Variants in LUZP2 observed in about 807,000 individuals in gnomAD.
LUZP2 encodes leucine zipper protein 2.
A neutral mutation model predicts 51.6 loss-of-function variants in LUZP2; 52 were observed. The ratio of observed to expected loss-of-function variants is 1.01; its 90% CI spans 0.81 to 1.27. The LOEUF (loss-of-function observed/expected upper bound fraction) is 1.27. Among genes scored for constraint, LUZP2 ranks in the 50% most tolerant of loss-of-function variants. LUZP2 has a pLI of 0.00. For missense variants in LUZP2, 436 were observed against 395.4 expected, an observed-to-expected ratio of 1.10 and a Z score of -0.87; for synonymous variants, 154 against 137.3, an observed-to-expected ratio of 1.12 and a Z score of -0.85.
chr11:24,935,489 A>T (rs574401240), intron 7 of LUZP2, among the ~76,000 whole-genome samples: 1 of 152,176 alleles, frequency 6.6e-6, no homozygotes, highest in Non-Finnish European at 1.5e-5. Context: ...TTCTGATCAG[A>T]TGACATTTTA....
At chr11:24,961,159 A>C (rs938130671) in intron 7 of LUZP2, among the ~76,000 whole-genome samples, 3 of 152,132 alleles carry the variant, frequency 2.0e-5, no homozygotes, top group African/African-American at 7.2e-5. Flanking sequence ...GGAGAGCTTT[A>C]CTTCCAACTA....
chr11:25,049,903 T>A (rs1391823554), intron 9 of LUZP2, 135 bp from the exon 10 acceptor site: 9 of 407,826 alleles, frequency 2.2e-5, no homozygotes, highest in Non-Finnish European at 3.4e-5. Flanking sequence ...TCCATTTTCT[T>A]GTTTTATTTT....
chr11:24,886,144 A>G (rs1209935223), intron 5 of LUZP2, among the ~76,000 whole-genome samples: 1 of 152,170 alleles, frequency 6.6e-6, no homozygotes, highest in East Asian at 1.9e-4. Context: ...ATTAATCTGT[A>G]TGTATATTAA....
At chr11:24,767,572 T>C (rs12287149) in intron 5 of LUZP2, among the ~76,000 whole-genome samples, 12,221 of 152,242 alleles carry the variant, frequency 0.08, 1,063 homozygotes, top group African/African-American at 0.22. Context: ...AGCTCAAGTT[T>C]TGTTTTTCTT....
chr11:25,038,797 A>G (rs1394815948), intron 9 of LUZP2, among the ~76,000 whole-genome samples: 2 of 152,204 alleles, frequency 1.3e-5, no homozygotes, highest in Non-Finnish European at 2.9e-5. Context: ...ACTGTGGTGT[A>G]AATCGAATAT....
chr11:24,976,474 GTTT>G (rs71044328), intron 7 of LUZP2, 114 bp from the exon 8 acceptor site: 207,841 of 366,742 alleles, frequency 0.57, 36,459 homozygotes, highest in East Asian at 0.7. Context: ...ACAGGACACT[GTTT>G]TTTTTTTTTT....
chr11:24,653,000 T>C (rs965096299), intron 1 of LUZP2, among the ~76,000 whole-genome samples: 2 of 152,172 alleles, frequency 1.3e-5, no homozygotes, highest in Non-Finnish European at 2.9e-5. Context: ...TGTCAAAGGT[T>C]AGAATTAAGG....
intron 6 of LUZP2, among the ~76,000 whole-genome samples, chr11:24,907,849 T>C (rs922725257): frequency 2.6e-5 from 4 of 152,194 alleles, no homozygotes; most frequent in Non-Finnish European, 5.9e-5. Flanking sequence ...ATATTATCCC[T>C]GAATTGTTAG....
chr11:24,827,647 G>C (rs999569793), intron 5 of LUZP2, among the ~76,000 whole-genome samples: 1 of 152,108 alleles, frequency 6.6e-6, no homozygotes, highest in South Asian at 2.1e-4. Flanking sequence ...TGGAAGTTGA[G>C]GCTGAAGAGG....
intron 5 of LUZP2, among the ~76,000 whole-genome samples, chr11:24,886,899 G>T (rs1466391935): frequency 1.3e-5 from 2 of 152,194 alleles, no homozygotes; most frequent in Non-Finnish European, 2.9e-5. Context: ...CTAACTTTGA[G>T]AGATGATTAG....
chr11:24,588,948 A>C (rs1188315078), intron 1 of LUZP2, among the ~76,000 whole-genome samples: 1 of 152,152 alleles, frequency 6.6e-6, no homozygotes, highest in Non-Finnish European at 1.5e-5. Context: ...GTCTCAGCTA[A>C]GGTTCAAGTA....
chr11:24,613,659 C>A (rs1376167603), intron 1 of LUZP2, among the ~76,000 whole-genome samples: 2 of 151,074 alleles, frequency 1.3e-5, no homozygotes, highest in Non-Finnish European at 3.0e-5. Context: ...AAAAAAAATT[C>A]AAATATAGAA....
At chr11:25,055,280 A>G (rs1858651368) in intron 10 of LUZP2, among the ~76,000 whole-genome samples, 1 of 152,052 alleles carries the variant, frequency 6.6e-6, no homozygotes, top group African/African-American at 2.4e-5. Flanking sequence ...AAGTGCTGGG[A>G]TTACAGGCGT....
At chr11:25,041,088 T>C (rs1484682387) in intron 9 of LUZP2, among the ~76,000 whole-genome samples, 2 of 152,180 alleles carry the variant, frequency 1.3e-5, no homozygotes, top group East Asian at 1.9e-4. Context: ...CTTAATACCA[T>C]TGTTTATATT....
intron 4 of LUZP2, among the ~76,000 whole-genome samples, chr11:24,758,335 G>A (rs889434476): frequency 1.7e-4 from 26 of 151,852 alleles, no homozygotes; most frequent in Non-Finnish European, 3.7e-4. Context: ...GTGTGTGTGT[G>A]TGTGTGTGTG....
At chr11:24,690,754 C>T (rs1210862720) in intron 1 of LUZP2, among the ~76,000 whole-genome samples, 1 of 152,004 alleles carries the variant, frequency 6.6e-6, no homozygotes, top group Non-Finnish European at 1.5e-5. Flanking sequence ...CCAACTCTAC[C>T]AGCTTCTGGG....
chr11:24,526,301 T>G (rs985366521), intron 1 of LUZP2, among the ~76,000 whole-genome samples: 19 of 150,976 alleles, frequency 1.3e-4, no homozygotes, highest in Admixed American at 1.1e-3. Flanking sequence ...ATATTACTTC[T>G]GGTACTGACA....
intron 1 of LUZP2, among the ~76,000 whole-genome samples, chr11:24,625,012 A>C (rs1854628545): frequency 6.6e-6 from 1 of 152,174 alleles, no homozygotes; most frequent in South Asian, 2.1e-4. Flanking sequence ...CACAGAAGGA[A>C]ATCCTGTCAT....
intron 9 of LUZP2, among the ~76,000 whole-genome samples, chr11:25,030,960 AC>A (rs1292927567): frequency 2.2e-4 from 1 of 4,490 alleles, no homozygotes; most frequent in Non-Finnish European, 3.1e-4. Context: ...TATATATAAT[AC>A]AATATATATT....
Sources: gnomAD v4.1 joint callset for allele counts (sites outside exome capture counted in the v4.1 genomes callset) on GRCh38, gnomAD v4.1.1 for gene constraint, MANE v1.5 for transcripts, NCBI Gene and HGNC (gene_info 2026-07-23, HGNC 2026-07-21) for gene names.